Variants in VSIG10 observed in about 807,000 individuals in gnomAD.
VSIG10 encodes V-set and immunoglobulin domain containing 10.
In VSIG10, 48 loss-of-function variants were observed where a neutral mutation model predicts 58.7. The observed-to-expected ratio is 0.82, with a 90% CI of 0.65 to 1.04. The LOEUF (loss-of-function observed/expected upper bound fraction) is 1.04, where lower values mean the gene tolerates loss of function less well. Among genes scored for constraint, VSIG10 ranks in the 50% least tolerant of loss-of-function variants. VSIG10 has a pLI of 0.00. For synonymous variants in VSIG10, 260 were observed against 267.1 expected, an observed-to-expected ratio of 0.97 and a Z score of 0.26; for missense variants, 628 against 670.0, an observed-to-expected ratio of 0.94 and a Z score of 0.69.
intron 3 of VSIG10, among the ~76,000 whole-genome samples, chr12:118,080,943 CAAAAA>C (rs2032926661): frequency 6.6e-6 from 1 of 152,020 alleles, no homozygotes; most frequent in African/African-American, 2.4e-5. Flanking sequence ...TCTGGGATAA[CAAAAA>C]TGTTTTGGAG....
chr12:118,094,662 C>T (rs2137942499), intron 2 of VSIG10, among the ~76,000 whole-genome samples: 1 of 152,184 alleles, frequency 6.6e-6, no homozygotes, highest in African/African-American at 2.4e-5. Context: ...GAATTACAGG[C>T]ATGAGCCACC....
At chr12:118,080,902 T>C (rs1015407259) in intron 3 of VSIG10, among the ~76,000 whole-genome samples, 4 of 152,018 alleles carry the variant, frequency 2.6e-5, no homozygotes, top group African/African-American at 9.7e-5. Context: ...GCTTATTGGG[T>C]ACAGGGTTAT....
chr12:118,087,855 A>AAAAAAAAAAG (rs766337791), intron 2 of VSIG10, among the ~76,000 whole-genome samples: 2 of 131,240 alleles, frequency 1.5e-5, no homozygotes, highest in African/African-American at 5.3e-5. Flanking sequence ...AAAAAAAAAA[A>AAAAAAAAAAG]AGAGAGAGAA....
chr12:118,081,789 G>A (rs867149222), intron 3 of VSIG10, among the ~76,000 whole-genome samples: 10 of 152,298 alleles, frequency 6.6e-5, no homozygotes, highest in Middle Eastern at 6.8e-3. Context: ...AGCCAAGGCG[G>A]GTGGATCACC....
At chr12:118,077,235 C>A (rs1267438550) in intron 4 of VSIG10, among the ~76,000 whole-genome samples, 1 of 152,116 alleles carries the variant, frequency 6.6e-6, no homozygotes, top group Admixed American at 6.6e-5. Flanking sequence ...CTCAGGGCCT[C>A]TGCGTTTGCT....
chr12:118,087,837 C>CAA (rs10654315), intron 2 of VSIG10, among the ~76,000 whole-genome samples: 1,100 of 62,544 alleles, frequency 0.018, 49 homozygotes, highest in African/African-American at 0.054. Context: ...GATCCTGTCT[C>CAA]AAAAAAAAAA....
At chr12:118,095,862 C>G in intron 1 of VSIG10, 48 bp from the exon 2 acceptor site, 4 of 1,548,178 alleles carry the variant, frequency 2.6e-6, no homozygotes, top group Non-Finnish European at 3.5e-6. Context: ...AATTTCTAAA[C>G]AATGTCCCTT....
rs1593483291 is a variant in VSIG10, at chr12:118,065,640, G to A, written c.*999C>T. Reference sequence around the variant, plus strand: ...TTTAAGCCCTAGGTCCTGCCCACTAGAGCAGATACGCAACTTTAAAGAGTA... The same window carrying A: ...TTTAAGCCCTAGGTCCTGCCCACTAAAGCAGATACGCAACTTTAAAGAGTA... On this transcript the variant is annotated 3_prime_UTR_variant, in exon 9 of 9. Coordinates refer to ENST00000359236, the MANE Select transcript of VSIG10 (RefSeq NM_019086.6). The A allele has an allele frequency of 6.6e-6, 1 of 152,162 alleles. No individual in the cohort carries two copies. The highest frequency in any genetic ancestry group is 6.6e-5 in the Admixed American group (1 of 15,266). The allele number at this position is 152,162 out of a possible 1,614,324, so 9.4% of individuals were successfully genotyped here.
chr12:118,086,976 C>T (rs565079495), intron 2 of VSIG10, among the ~76,000 whole-genome samples: 3 of 151,348 alleles, frequency 2.0e-5, no homozygotes, highest in Admixed American at 6.6e-5. Context: ...TTGGCCAAGG[C>T]GGTTTCAAAC....
chr12:118,065,093 A>C lies in VSIG10; in HGVS notation c.*1546T>G, dbSNP rs956263140. On this transcript the variant is annotated 3_prime_UTR_variant, in exon 9 of 9. Transcript: ENST00000359236. ...ACAAGGATCTACTGGAAGCATCAGC[A>C]GGCTAAACTCATCACATGGTATTTT... 1 of 152,288 alleles carries C rather than the reference A, an allele frequency of 6.6e-6. No individual in the cohort carries two copies. Among genetic ancestry groups the C allele is most frequent in the Non-Finnish European group, 1.5e-5 (1 of 68,050 alleles). The allele number at this position is 152,288 out of a possible 1,614,324, so 9.4% of individuals were successfully genotyped here. A position where few individuals can be genotyped will look rare whatever the true frequency, so the allele number is the denominator to read the frequency against.
rs1343650101 is a variant in VSIG10 at position 118,065,799 on chromosome 12, G to T, written c.*840C>A. 6.6e-6 allele frequency: 1 copy of T among 152,206 alleles called. No homozygotes were observed. The highest frequency in any genetic ancestry group is 1.5e-5 in the Non-Finnish European group (1 of 68,050). 9.4% of individuals were successfully genotyped at this position (152,206 alleles called of 1,614,324 possible). ...AATGGAAGGAAAGATGTGTGTGCTT[G>T]GTTTTTTTGCTGAGACCCAAATGTT... On this transcript the variant is annotated 3_prime_UTR_variant, in exon 9 of 9. Transcript: ENST00000359236.
At position 118,086,138 on chromosome 12, in the gene VSIG10, A is replaced by G. The variant is rs181687125; in HGVS notation, c.362-3709T>C. Among the ~76,000 whole-genome samples, 1,028 of 150,362 alleles carry G rather than the reference A, an allele frequency of 6.8e-3. 7 individuals are homozygous for G. Among genetic ancestry groups the G allele is most frequent in the Non-Finnish European group, 0.01 (702 of 67,420 alleles). ...GCACCACTGCACTCCAGCCTGGGCAACAAGAGCGAAACTTTGTCTCAAAAA... is the reference window on the plus strand; with the variant it reads ...GCACCACTGCACTCCAGCCTGGGCAGCAAGAGCGAAACTTTGTCTCAAAAA... On this transcript the variant is annotated intron_variant, in intron 2 of 8. Transcript: ENST00000359236.
chr12:118,093,545 CAG>C (rs1566175591), intron 2 of VSIG10, among the ~76,000 whole-genome samples: 1 of 151,976 alleles, frequency 6.6e-6, no homozygotes, highest in East Asian at 1.9e-4. Flanking sequence ...GCAGATATGA[CAG>C]ACTGTTTTAG....
chr12:118,072,110 G>A (rs1046148347), intron 5 of VSIG10, among the ~76,000 whole-genome samples: 8 of 150,370 alleles, frequency 5.3e-5, no homozygotes, highest in Admixed American at 2.7e-4. Flanking sequence ...CGGGGGTTGC[G>A]GTGAGCCAAG....
chr12:118,066,063 A>T lies in VSIG10; in HGVS notation c.*576T>A, dbSNP rs1196763485. ...CAGGTGTTTCTAACTCCAAAGCCTGAACCAAACTGCCTTCCTCTGATTGGC... is the reference window on the plus strand; with the variant it reads ...CAGGTGTTTCTAACTCCAAAGCCTGTACCAAACTGCCTTCCTCTGATTGGC... On this transcript the variant is annotated 3_prime_UTR_variant, in exon 9 of 9. Transcript: ENST00000359236. 6.5e-6 allele frequency: 1 copy of T among 154,410 alleles called. No individual in the cohort carries two copies. Among genetic ancestry groups the T allele is most frequent in the Non-Finnish European group, 1.4e-5 (1 of 69,508 alleles). 9.6% of individuals were successfully genotyped at this position (154,410 alleles called of 1,614,324 possible). A position where few individuals can be genotyped will look rare whatever the true frequency, so the allele number is the denominator to read the frequency against.
At chr12:118,083,635 C>T (rs137856458) in intron 2 of VSIG10, among the ~76,000 whole-genome samples, 4 of 151,894 alleles carry the variant, frequency 2.6e-5, no homozygotes, top group African/African-American at 9.7e-5. Context: ...TAGTCCCAGG[C>T]GCCCCCAGCA....
chr12:118,073,892 G>A lies in VSIG10; in HGVS notation c.1026C>T (p.Ile342=), dbSNP rs114260166. The A allele has an allele frequency of 2.5e-6, 4 of 1,613,830 alleles. No homozygotes were observed. Among genetic ancestry groups the A allele is most frequent in the South Asian group, 2.2e-5 (2 of 91,088 alleles). ...QVSGAYPPAK[I]LWLRNLTQPE... Reference sequence around the variant, plus strand: ...GCTGGGTAAGGTTCCTCAGCCACAGGATCTTGGCAGGGGGGTAGGCCCCAG... The same window carrying A: ...GCTGGGTAAGGTTCCTCAGCCACAGAATCTTGGCAGGGGGGTAGGCCCCAG... The change falls in exon 5 of 9, where the codon ATC becomes ATT. Residue 342 remains isoleucine (I), a synonymous_variant. Coordinates refer to ENST00000359236, the MANE Select transcript of VSIG10 (RefSeq NM_019086.6).
chr12:118,068,236 T>TGTTGCCCA (rs1228004721), intron 8 of VSIG10, 141 bp downstream of exon 8: 1 of 405,170 alleles, frequency 2.5e-6, no homozygotes, highest in African/African-American at 2.2e-5. Context: ...AGTCTCACCA[T>TGTTGCCCA]GTTGCCCAGG....
chr12:118,067,386 GCT>G (rs776625395), intron 8 of VSIG10, among the ~76,000 whole-genome samples: 3 of 151,446 alleles, frequency 2.0e-5, no homozygotes, highest in African/African-American at 7.3e-5. Context: ...CTCCTCTACT[GCT>G]CTCTCAGTGT....
Sources: gnomAD v4.1 joint callset for allele counts (sites outside exome capture counted in the v4.1 genomes callset) on GRCh38, gnomAD v4.1.1 for gene constraint, MANE v1.5 for transcripts, NCBI Gene and HGNC (gene_info 2026-07-23, HGNC 2026-07-21) for gene names.